DDX60L: variants seen among roughly 807,000 people sequenced by gnomAD.
DDX60L encodes the protein probable ATP-dependent RNA helicase DDX60-like.
DDX60L carries 191 observed loss-of-function variants against 211.6 expected under a neutral mutation model. The observed-to-expected ratio is 0.90, with a 90% confidence interval of 0.80 to 1.02. DDX60L has a LOEUF of 1.02. Among genes scored for constraint, DDX60L ranks in the 50% least tolerant of loss-of-function variants. The pLI is 0.00. For synonymous variants in DDX60L, 706 were observed against 694.1 expected (o/e 1.02, Z -0.27); for missense variants, 2,007 against 1,984.1 (o/e 1.01, Z -0.22).
At chr4:168,368,262 A>G (rs2634939) in intron 36 of DDX60L, among the ~76,000 whole-genome samples, 106,192 of 152,112 alleles carry the variant, frequency 0.7, 38,946 homozygotes, top group East Asian at 0.85. Flanking sequence ...TGTGCCCTGC[A>G]TCCCAGCTGC....
intron 22 of DDX60L, among the ~76,000 whole-genome samples, chr4:168,409,958 T>C (rs933983387): frequency 3.3e-5 from 5 of 152,114 alleles, no homozygotes; most frequent in African/African-American, 1.2e-4. Flanking sequence ...GAAATATATA[T>C]AAATATTAAC....
intron 17 of DDX60L, 77 bp from the exon 18 acceptor site, chr4:168,420,457 TACACATACACACACACACAC>T (rs70961518): frequency 0.39 from 314,570 of 808,694 alleles, 54,202 homozygotes; most frequent in Admixed American, 0.46. Context: ...ACCGAATCCA[TACACATACACACACACACAC>T]ACACACACAC....
At chr4:168,392,034 A>G (rs1342371232) in intron 28 of DDX60L, among the ~76,000 whole-genome samples, 3 of 152,206 alleles carry the variant, frequency 2.0e-5, no homozygotes, top group Non-Finnish European at 1.5e-5. Context: ...TGTATCCTCA[A>G]CACCTGGAAG....
At position 168,420,376 on chromosome 4, in the gene DDX60L, A is replaced by G. The variant is rs1446908730; in HGVS notation, c.2399T>C (p.Leu800Pro). 6.2e-7 allele frequency: 1 copy of G among 1,606,164 alleles called. No individual in the cohort carries two copies. Among genetic ancestry groups the G allele is most frequent in the Non-Finnish European group, 8.5e-7 (1 of 1,178,062 alleles). ...VVVYVAPAKS[L>P]VGQVAATVEN... ...AACAGTTGCAGCCACTTGACCAACA[A>G]GGGACTGATTGACAAGAAAAAAAAC... The change falls in exon 18 of 38, where the codon CTT (leucine) becomes CCT (proline). Residue 800 changes from leucine to proline, a missense_variant. Physicochemically the swap from Leu to Pro is moderately conservative, Grantham distance 98 (BLOSUM62 -3). Coordinates refer to ENST00000682922, the MANE Select transcript of DDX60L (RefSeq NM_001012967.3).
chr4:168,432,319 T>C (rs1024197499), intron 12 of DDX60L, 136 bp downstream of exon 12: 7 of 205,258 alleles, frequency 3.4e-5, no homozygotes, highest in Non-Finnish European at 6.8e-5. Context: ...ATTCAAAATA[T>C]ATATTATATA....
At chr4:168,360,906 G>A (rs764385128) in intron 37 of DDX60L, among the ~76,000 whole-genome samples, 4 of 152,156 alleles carry the variant, frequency 2.6e-5, no homozygotes, top group Admixed American at 6.5e-5. Flanking sequence ...GCTCTGATCC[G>A]AATGAAATTC....
chr4:168,376,798 A>G (rs989343973), intron 33 of DDX60L, among the ~76,000 whole-genome samples: 5 of 152,198 alleles, frequency 3.3e-5, no homozygotes, highest in Non-Finnish European at 7.3e-5. Context: ...CCATCAGGAG[A>G]GCAAGCTCTT....
intron 33 of DDX60L, among the ~76,000 whole-genome samples, chr4:168,377,501 G>T (rs1411961611): frequency 1.3e-5 from 2 of 151,954 alleles, no homozygotes; most frequent in East Asian, 1.9e-4. Context: ...TATTTTTATG[G>T]CTTCCTTAGT....
At chr4:168,480,293 G>C (rs959818772) in intron 1 of DDX60L, 84 bp downstream of exon 1, 3 of 152,284 alleles carry the variant, frequency 2.0e-5, no homozygotes, top group African/African-American at 7.2e-5. Context: ...GGTCCATCTG[G>C]ATGTTGAAGG....
At chr4:168,450,235 G>C (rs1320001709) in intron 8 of DDX60L, among the ~76,000 whole-genome samples, 1 of 152,040 alleles carries the variant, frequency 6.6e-6, no homozygotes, top group East Asian at 1.9e-4. Flanking sequence ...GCACGTGATG[G>C]ATCAGCTGAC....
chr4:168,389,250 C>T (rs1164945057), intron 29 of DDX60L, among the ~76,000 whole-genome samples: 2 of 152,030 alleles, frequency 1.3e-5, no homozygotes, highest in African/African-American at 4.8e-5. Flanking sequence ...CAGGTCATGA[C>T]ATGTATTTGA....
chr4:168,401,091 A>G (rs1339230952), intron 25 of DDX60L, 113 bp from the exon 26 acceptor site: 6 of 950,592 alleles, frequency 6.3e-6, no homozygotes, highest in African/African-American at 1.7e-5. Flanking sequence ...ATCCTAGGCC[A>G]GGGCACTCTA....
At chr4:168,447,936 A>C (rs1755077613) in intron 9 of DDX60L, among the ~76,000 whole-genome samples, 1 of 149,456 alleles carries the variant, frequency 6.7e-6, no homozygotes, top group South Asian at 2.1e-4. Context: ...CTAGATGACG[A>C]GTTAGTGGGT....
intron 14 of DDX60L, among the ~76,000 whole-genome samples, chr4:168,425,688 G>A (rs902048717): frequency 1.3e-5 from 2 of 152,114 alleles, no homozygotes; most frequent in African/African-American, 4.8e-5. Context: ...CCTGAAGCTT[G>A]AATCTGGGAG....
At chr4:168,386,679 TG>T (rs3834803) in intron 29 of DDX60L, among the ~76,000 whole-genome samples, 112,861 of 151,436 alleles carry the variant, frequency 0.75, 43,376 homozygotes, top group East Asian at 0.87. Context: ...TAATCCCTGA[TG>T]TTTTTTTAAT....
intron 14 of DDX60L, among the ~76,000 whole-genome samples, 195 bp downstream of exon 14, chr4:168,426,875 C>T (rs1751538725): frequency 2.6e-5 from 4 of 152,164 alleles, no homozygotes; most frequent in Admixed American, 2.6e-4. Flanking sequence ...CCTGTTGGGA[C>T]CCTCTGTCTA....
rs752357025 is a variant in DDX60L, at chr4:168,358,256, C to G, written c.5012G>C (p.Cys1671Ser). Residue 1671 changes from cysteine (C) to serine (S), a missense_variant, in exon 38 of 38, where the codon TGT becomes TCT. Physicochemically the swap from Cys to Ser is moderately radical, Grantham distance 112. Coordinates refer to ENST00000682922, the MANE Select transcript of DDX60L (RefSeq NM_001012967.3). Reference protein sequence around the residue: ...QAISDSLSELCENKRDNVVLA... With the variant: ...QAISDSLSELSENKRDNVVLA... ...GACTACATTGTCACGCTTATTTTCACATAGTTCACTCAAGGAGTCACTGTA... is the reference window on the plus strand; with the variant it reads ...GACTACATTGTCACGCTTATTTTCAGATAGTTCACTCAAGGAGTCACTGTA... 6.3e-7 allele frequency: 1 copy of G among 1,592,054 alleles called. No homozygotes were observed. The highest frequency in any genetic ancestry group is 8.5e-7 in the Non-Finnish European group (1 of 1,169,638).
In DDX60L at chr4:168,421,873, C is replaced by CT. The variant is rs1413021925; in HGVS notation, c.2280dup (p.Ala761SerfsTer49). 1 of 1,614,182 alleles carries CT rather than the reference C, an allele frequency of 6.2e-7. No individual in the cohort carries two copies. The highest frequency in any genetic ancestry group is 2.2e-5 in the East Asian group (1 of 44,880). ...GAGGACGTTGGGGCAACAATCACTG[C>CT]TGACTCATTCTTATCTACCACATCC... On this transcript the variant is annotated frameshift_variant, in exon 17 of 38. Transcript: ENST00000682922. LOFTEE classifies it high-confidence loss of function.
intron 14 of DDX60L, among the ~76,000 whole-genome samples, chr4:168,425,193 A>C (rs915615942): frequency 6.6e-6 from 1 of 152,200 alleles, no homozygotes; most frequent in Non-Finnish European, 1.5e-5. Context: ...TTTTTAAGCC[A>C]TTATTAATTC....
Sources: gnomAD v4.1 joint callset for allele counts (sites outside exome capture counted in the v4.1 genomes callset) on GRCh38, gnomAD v4.1.1 for gene constraint, MANE v1.5 for transcripts, NCBI Gene and HGNC (gene_info 2026-07-23, HGNC 2026-07-21) for gene names.